PKHD1L1: variants seen among roughly 807,000 people sequenced by gnomAD.
PKHD1L1 encodes PKHD1 like 1.
PKHD1L1 carries 434 observed loss-of-function variants against 462.9 expected under a neutral mutation model. The ratio of observed to expected loss-of-function variants is 0.94; its 90% CI spans 0.87 to 1.02. The LOEUF is 1.02. PKHD1L1 is among the 50% of genes least tolerant of loss of function. The probability of loss-of-function intolerance (pLI) is 0.00; values close to 1 mark genes in which losing one functional copy is unlikely to be tolerated. For missense variants in PKHD1L1, 5,202 were observed against 5,096.1 expected (o/e 1.02, Z -0.63); for synonymous variants, 1,781 against 1,750.0 (o/e 1.02, Z -0.44).
chr8:109,413,855 A>G (rs1586460546), intron 21 of PKHD1L1, among the ~76,000 whole-genome samples: 1 of 152,276 alleles, frequency 6.6e-6, no homozygotes, highest in African/African-American at 2.4e-5. Context: ...AAATCTAATA[A>G]TGTTCCTAGT....
intron 1 of PKHD1L1, among the ~76,000 whole-genome samples, chr8:109,363,393 C>G (rs1391144753): frequency 6.6e-6 from 1 of 152,190 alleles, no homozygotes; most frequent in Admixed American, 6.5e-5. Flanking sequence ...AACTGGTCTC[C>G]TTTATGTTGG....
rs190166688 is a variant in PKHD1L1 at position 109,433,509 on chromosome 8, G to A, written c.3340+293G>A. On this transcript the variant is annotated intron_variant, in intron 28 of 77. Coordinates refer to ENST00000378402, the MANE Select transcript of PKHD1L1 (RefSeq NM_177531.6). The stretch of plus-strand genomic sequence containing the variant: ...TACATGAAATCTTTCTTGCATCGGT[G>A]TGTCTCTGGGACACAAAAATGTATG... 9.4e-4 allele frequency among the ~76,000 whole-genome samples: 143 copies of A among 152,150 alleles called. 1 individual carries two copies. Among genetic ancestry groups the A allele is most frequent in the African/African-American group, 3.0e-3 (123 of 41,514 alleles).
At chr8:109,369,135 C>A (rs999769173) in intron 2 of PKHD1L1, among the ~76,000 whole-genome samples, 13 of 152,080 alleles carry the variant, frequency 8.5e-5, no homozygotes, top group African/African-American at 3.1e-4. Flanking sequence ...CCTGCCACTA[C>A]CCCCGGCTAA....
rs1164242824 is a variant in PKHD1L1 at position 109,396,117 on chromosome 8, C to T, written c.902C>T (p.Pro301Leu). 1 of 1,607,734 alleles carries T rather than the reference C, an allele frequency of 6.2e-7. No homozygotes were observed. The highest frequency in any genetic ancestry group is 8.5e-7 in the Non-Finnish European group (1 of 1,177,146). ...SGRFFDQTDF[P>L]VRVLVGGEPC... is the part of the protein sequence containing the mutation. ...CGTTTCTTTGATCAGACAGATTTCC[C>T]CGTCAGAGTTCTAGTTGGAGGTATT... The change falls in exon 11 of 78, where the codon CCC becomes CTC. Residue 301 changes from proline to leucine, a missense_variant. Transcript: ENST00000378402.
Position 109,523,388 on chromosome 8 carries a change from T to G in PKHD1L1, c.12484+2T>G, listed in dbSNP as rs780679278. On this transcript the variant is annotated splice_donor_variant, in intron 76 of 77. Coordinates refer to ENST00000378402, the MANE Select transcript of PKHD1L1 (RefSeq NM_177531.6). LOFTEE classifies it high-confidence loss of function. Reference sequence around the variant, plus strand: ...CAGACCTTACTCCCCTTAGAACAGGTGGGTGCACTATTTTGGATCCTCACA... The same window carrying G: ...CAGACCTTACTCCCCTTAGAACAGGGGGGTGCACTATTTTGGATCCTCACA... 6.2e-7 allele frequency: 1 copy of G among 1,609,074 alleles called. No individual in the cohort carries two copies. Among genetic ancestry groups the G allele is most frequent in the Non-Finnish European group, 8.5e-7 (1 of 1,176,902 alleles).
At chr8:109,479,086 T>A (rs1818140855) in intron 53 of PKHD1L1, among the ~76,000 whole-genome samples, 1 of 152,190 alleles carries the variant, frequency 6.6e-6, no homozygotes. Flanking sequence ...GGGCTATGAT[T>A]GTGCATATTT....
chr8:109,409,524 T>C (rs2130586155), intron 18 of PKHD1L1, among the ~76,000 whole-genome samples: 1 of 152,286 alleles, frequency 6.6e-6, no homozygotes. Context: ...AAAGTATTTA[T>C]TTGGAATCTA....
chr8:109,425,285 C>T, intron 24 of PKHD1L1, 53 bp downstream of exon 24: 1 of 1,339,542 alleles, frequency 7.5e-7, no homozygotes, highest in Non-Finnish European at 9.7e-7. Flanking sequence ...ATATGTATAA[C>T]CTTATAAAGT....
At chr8:109,456,196 G>A in intron 45 of PKHD1L1, 66 bp from the exon 46 acceptor site, 2 of 1,494,904 alleles carry the variant, frequency 1.3e-6, no homozygotes, top group Non-Finnish European at 9.0e-7. Flanking sequence ...AGATTAAAAT[G>A]TATAAAGTTC....
At chr8:109,385,702 C>T in intron 6 of PKHD1L1, 72 bp downstream of exon 6, 2 of 951,926 alleles carry the variant, frequency 2.1e-6, no homozygotes, top group South Asian at 1.9e-5. Flanking sequence ...ATAATGGGTC[C>T]AATGATATTA....
In PKHD1L1 at chr8:109,464,281, C is replaced by T. The variant is rs1322885036; in HGVS notation, c.7449C>T (p.Asp2483=). The T allele has an allele frequency of 6.2e-7, 1 of 1,612,724 alleles. No homozygotes were observed. The highest frequency in any genetic ancestry group is 8.5e-7 in the Non-Finnish European group (1 of 1,179,172). Residue 2483 remains aspartate, a synonymous_variant, in exon 49 of 78, where the codon GAC becomes GAT. Coordinates refer to ENST00000378402, the MANE Select transcript of PKHD1L1 (RefSeq NM_177531.6). The stretch of plus-strand genomic sequence containing the variant: ...CAATACATTGGCACCTGCTTGGAGA[C>T]TTACAGTTTAAATCTTATGTAAGAG... The part of the protein sequence containing the change: ...RYPIHWHLLG[D]LQFKSYVRGC...
intron 2 of PKHD1L1, among the ~76,000 whole-genome samples, chr8:109,374,138 G>A (rs1008735509): frequency 1.3e-5 from 2 of 152,110 alleles, no homozygotes; most frequent in African/African-American, 2.4e-5. Flanking sequence ...GGGAGTCTAA[G>A]TCTCTCTTTA....
At chr8:109,389,774 C>T (rs1293341304) in intron 8 of PKHD1L1, among the ~76,000 whole-genome samples, 2 of 152,038 alleles carry the variant, frequency 1.3e-5, no homozygotes, top group African/African-American at 2.4e-5. Flanking sequence ...GTGATCCGCC[C>T]GCCTCAGCCT....
At chr8:109,442,480 T>C (rs1815852677) in intron 35 of PKHD1L1, among the ~76,000 whole-genome samples, 2 of 152,286 alleles carry the variant, frequency 1.3e-5, no homozygotes, top group South Asian at 2.1e-4. Flanking sequence ...AAAATAGGAA[T>C]ATATGTTTAA....
rs762703909 is a variant in PKHD1L1, at chr8:109,412,360, T to C, written c.2181T>C (p.Asp727=). Reference sequence around the variant, plus strand: ...CAGCTGTTCTTTTTGACTCAGCAGATGTTAAACCAAACAGACGACCATATG... The same window carrying C: ...CAGCTGTTCTTTTTGACTCAGCAGACGTTAAACCAAACAGACGACCATATG... ...KNPAVLFDSA[D]VKPNRRPYGD... The change falls in exon 20 of 78, where the codon GAT becomes GAC. Residue 727 remains aspartate, a synonymous_variant. Transcript: ENST00000378402. The C allele has an allele frequency of 1.2e-6, 2 of 1,613,768 alleles. No individual in the cohort carries two copies. Among genetic ancestry groups the C allele is most frequent in the Non-Finnish European group, 1.7e-6 (2 of 1,179,716 alleles).
chr8:109,363,885 C>T (rs1423428367), intron 1 of PKHD1L1, among the ~76,000 whole-genome samples: 4 of 152,174 alleles, frequency 2.6e-5, no homozygotes, highest in Admixed American at 6.5e-5. Context: ...CTATGCTCTC[C>T]TCTGTCTCTT....
In PKHD1L1 at chr8:109,413,498, T is replaced by C. The variant is rs1446147776; in HGVS notation, c.2313T>C (p.Thr771=). ...AGTACCAAGACAATAGCAAGATTAC[T>C]AGAAGCACTGATACACAGTTTACAT... is the stretch of plus-strand genomic sequence containing the variant. The part of the protein sequence containing the change: ...KFQYQDNSKI[T]RSTDTQFTYN... Residue 771 remains threonine, a synonymous_variant, in exon 21 of 78, where the codon ACT becomes ACC. Transcript: ENST00000378402. The C allele has an allele frequency of 6.3e-7, 1 of 1,575,708 alleles. No homozygotes were observed. The highest frequency in any genetic ancestry group is 1.2e-5 in the South Asian group (1 of 84,072).
At chr8:109,365,438 ATC>A (rs1431812154) in intron 2 of PKHD1L1, among the ~76,000 whole-genome samples, 6 of 152,220 alleles carry the variant, frequency 3.9e-5, no homozygotes, top group African/African-American at 1.2e-4. Flanking sequence ...GCAGAATTCA[ATC>A]TCTCAATGAT....
intron 2 of PKHD1L1, among the ~76,000 whole-genome samples, chr8:109,376,588 C>T (rs1049685534): frequency 3.3e-5 from 5 of 152,164 alleles, no homozygotes; most frequent in South Asian, 2.1e-4. Context: ...TCTTCTGCAT[C>T]GCTCATGCTG....
Sources: allele counts gnomAD v4.1 joint callset (sites outside exome capture counted in the v4.1 genomes callset), GRCh38; gene constraint gnomAD v4.1.1; transcripts MANE v1.5; gene names NCBI Gene and HGNC (gene_info 2026-07-23, HGNC 2026-07-21).